Variants in EXOC6 observed in about 807,000 individuals in gnomAD.
EXOC6 encodes the protein exocyst complex component 6.
A neutral mutation model predicts 112.5 loss-of-function variants in EXOC6; 60 were observed. The observed-to-expected ratio is 0.53, with a 90% CI of 0.43 to 0.66. The LOEUF (loss-of-function observed/expected upper bound fraction) is 0.66. Ranked by LOEUF, EXOC6 falls within the 30% of genes least tolerant of loss-of-function variation. EXOC6 has a pLI of 0.00. For synonymous variants in EXOC6, 295 were observed against 308.0 expected, an observed-to-expected ratio of 0.96 and a Z score of 0.44; for missense variants, 855 against 957.1, an observed-to-expected ratio of 0.89 and a Z score of 1.41.
At chr10:93,037,035 A>G (rs141515136) in intron 20 of EXOC6, among the ~76,000 whole-genome samples, 17 of 152,268 alleles carry the variant, frequency 1.1e-4, no homozygotes, top group African/African-American at 3.9e-4. Flanking sequence ...AATATCATAT[A>G]TGCAGTAAAC....
intron 20 of EXOC6, among the ~76,000 whole-genome samples, chr10:93,031,077 G>A (rs1397163865): frequency 1.3e-5 from 2 of 152,028 alleles, no homozygotes; most frequent in Non-Finnish European, 2.9e-5. Context: ...ATTTAGCTGT[G>A]AGCACCTACA....
intron 1 of EXOC6, among the ~76,000 whole-genome samples, chr10:92,851,087 A>G (rs1278077357): frequency 6.6e-6 from 1 of 152,232 alleles, no homozygotes; most frequent in Non-Finnish European, 1.5e-5. Context: ...ACAGCATATC[A>G]TTTGTGAATG....
intron 13 of EXOC6, among the ~76,000 whole-genome samples, chr10:92,945,144 A>G (rs555415082): frequency 5.9e-5 from 9 of 152,256 alleles, no homozygotes; most frequent in African/African-American, 2.2e-4. Context: ...CCTGATCTGT[A>G]TACCTGTTGG....
chr10:92,888,081 C>T (rs1849315304), intron 1 of EXOC6, among the ~76,000 whole-genome samples: 1 of 152,134 alleles, frequency 6.6e-6, no homozygotes, highest in Non-Finnish European at 1.5e-5. Context: ...ACCTACTCTT[C>T]TCATTCACAG....
intron 17 of EXOC6, among the ~76,000 whole-genome samples, chr10:92,957,510 A>G (rs921808534): frequency 1.3e-5 from 2 of 152,196 alleles, no homozygotes; most frequent in African/African-American, 4.8e-5. Context: ...AGTTGAAGCC[A>G]TAACTATCAT....
intron 1 of EXOC6, among the ~76,000 whole-genome samples, chr10:92,868,998 C>G (rs1306440149): frequency 6.6e-6 from 1 of 151,922 alleles, no homozygotes; most frequent in Non-Finnish European, 1.5e-5. Context: ...GGCTTTTGTG[C>G]TGAGGGATTT....
chr10:92,827,409 G>C (rs1846402175), intron 1 of EXOC6, among the ~76,000 whole-genome samples: 1 of 142,704 alleles, frequency 7.0e-6, no homozygotes, highest in South Asian at 2.3e-4. Context: ...AGGAGGCGGA[G>C]GTTGCAGTGA....
At chr10:93,007,502 AAT>A (rs1844050286) in intron 19 of EXOC6, among the ~76,000 whole-genome samples, 2 of 151,870 alleles carry the variant, frequency 1.3e-5, no homozygotes, top group Admixed American at 1.3e-4. Flanking sequence ...AATACAAAAA[AAT>A]TAGCTGGGTG....
chr10:92,950,625 AG>A (rs1490911494), intron 14 of EXOC6, among the ~76,000 whole-genome samples: 4 of 152,192 alleles, frequency 2.6e-5, no homozygotes, highest in African/African-American at 9.6e-5. Flanking sequence ...GGCTGCATAA[AG>A]GTCAAAGTAG....
At chr10:92,848,296 G>T (rs1025591262), upstream of EXOC6, among the ~76,000 whole-genome samples, 7 of 152,092 alleles carry the variant, frequency 4.6e-5, no homozygotes, top group South Asian at 4.1e-4. Context: ...GAGAGGGCAG[G>T]AGGCCAGCTG....
intron 19 of EXOC6, among the ~76,000 whole-genome samples, chr10:93,005,018 T>TA (rs754754796): frequency 7.2e-5 from 11 of 152,312 alleles, no homozygotes; most frequent in African/African-American, 9.6e-5. Context: ...TCATATCTAT[T>TA]ATGTGCATGG....
intron 20 of EXOC6, among the ~76,000 whole-genome samples, chr10:93,014,970 T>C (rs1310239939): frequency 6.6e-6 from 1 of 152,064 alleles, no homozygotes; most frequent in African/African-American, 2.4e-5. Flanking sequence ...ATTCCTATTA[T>C]TAAGTAGCTT....
At chr10:92,870,641 T>G (rs1943959438) in intron 1 of EXOC6, among the ~76,000 whole-genome samples, 1 of 152,210 alleles carries the variant, frequency 6.6e-6, no homozygotes, top group South Asian at 2.1e-4. Flanking sequence ...TGGATCAATG[T>G]TACACTCATT....
chr10:92,938,955 G>A (rs1666996286), intron 12 of EXOC6, among the ~76,000 whole-genome samples: 2 of 152,050 alleles, frequency 1.3e-5, no homozygotes, highest in South Asian at 4.1e-4. Context: ...AAGAAGGAAA[G>A]GGCATTAATG....
chr10:92,961,856 A>T (rs1854021947), intron 17 of EXOC6, among the ~76,000 whole-genome samples: 3 of 152,208 alleles, frequency 2.0e-5, no homozygotes, highest in Non-Finnish European at 2.9e-5. Flanking sequence ...GATGACAAAC[A>T]ACCACTTAAG....
At position 92,985,109 on chromosome 10, in the gene EXOC6, C is replaced by G. The variant is rs1201602836; in HGVS notation, c.1953+10877C>G. On this transcript the variant is annotated intron_variant, in intron 18 of 21. Coordinates refer to ENST00000260762, the MANE Select transcript of EXOC6 (RefSeq NM_019053.6). ...CCTCCTTTTGCCCCATCCCCCTCTG[C>G]TCTCCTGTGCTCCCCTTTACTTCTC... Among the ~76,000 whole-genome samples the G allele has an allele frequency of 3.9e-5, 6 of 152,300 alleles. No homozygotes were observed. The East Asian group carries it at 1.2e-3, about 29-fold the overall frequency.
intron 7 of EXOC6, 130 bp downstream of exon 7, chr10:92,916,043 A>T: frequency 4.7e-6 from 3 of 644,972 alleles, no homozygotes; most frequent in Non-Finnish European, 7.3e-6. Context: ...TCAGAGTCAA[A>T]ATGGAGTCAG....
intron 1 of EXOC6, among the ~76,000 whole-genome samples, chr10:92,877,683 A>T (rs944709394): frequency 1.6e-4 from 25 of 152,202 alleles, no homozygotes. Flanking sequence ...AGTCAGGGTC[A>T]GTGATGGGAG....
intron 17 of EXOC6, among the ~76,000 whole-genome samples, chr10:92,968,954 A>G (rs1221810773): frequency 6.6e-6 from 1 of 151,958 alleles, no homozygotes; most frequent in Non-Finnish European, 1.5e-5. Flanking sequence ...TTTCTTCGTT[A>G]CTCATTATTA....
Sources: allele counts gnomAD v4.1 joint callset (sites outside exome capture counted in the v4.1 genomes callset), GRCh38; gene constraint gnomAD v4.1.1; transcripts MANE v1.5; gene names NCBI Gene and HGNC (gene_info 2026-07-23, HGNC 2026-07-21).